Variants in SDK1 observed in about 807,000 individuals in gnomAD.
SDK1 encodes sidekick cell adhesion molecule 1, also known as protein sidekick-1.
In SDK1, 157 loss-of-function variants were observed where a neutral mutation model predicts 245.5. That is an observed-to-expected ratio of 0.64 (90% confidence interval 0.56 to 0.73). SDK1 has a LOEUF of 0.73. Ranked by LOEUF, SDK1 falls within the 30% of genes least tolerant of loss-of-function variation. The pLI, the probability that SDK1 is intolerant of heterozygous loss-of-function variation, is 0.00. For missense variants in SDK1, 3,583 were observed against 3,002.3 expected, an observed-to-expected ratio of 1.19 and a Z score of -4.52; for synonymous variants, 1,647 against 1,278.5, an observed-to-expected ratio of 1.29 and a Z score of -6.15.
At chr7:3,734,794 C>G (rs887524110) in intron 4 of SDK1, among the ~76,000 whole-genome samples, 1 of 152,198 alleles carries the variant, frequency 6.6e-6, no homozygotes, top group African/African-American at 2.4e-5. Flanking sequence ...CAGCCTCTGT[C>G]TTATAAACAG....
chr7:3,309,146 C>T (rs1192433329), intron 1 of SDK1, among the ~76,000 whole-genome samples: 1 of 151,978 alleles, frequency 6.6e-6, no homozygotes, highest in African/African-American at 2.4e-5. Context: ...TGGTGTGATC[C>T]TTAATTTATT....
chr7:3,566,122 C>T (rs1054445184), intron 1 of SDK1, among the ~76,000 whole-genome samples: 1 of 151,528 alleles, frequency 6.6e-6, no homozygotes, highest in South Asian at 2.1e-4. Flanking sequence ...AGTTTTTATT[C>T]TCTTGGAGGT....
intron 5 of SDK1, among the ~76,000 whole-genome samples, chr7:3,946,325 A>G (rs1442088264): frequency 6.6e-6 from 1 of 152,060 alleles, no homozygotes; most frequent in East Asian, 1.9e-4. Context: ...CCACAGGCAC[A>G]GACCACTAAA....
At chr7:3,616,690 A>G (rs533293639) in intron 1 of SDK1, among the ~76,000 whole-genome samples, 3 of 152,226 alleles carry the variant, frequency 2.0e-5, no homozygotes, top group Non-Finnish European at 4.4e-5. Flanking sequence ...TAATATACCA[A>G]TTATGATGGA....
At chr7:4,188,419 C>T (rs1783010019) in intron 35 of SDK1, among the ~76,000 whole-genome samples, 1 of 152,160 alleles carries the variant, frequency 6.6e-6, no homozygotes, top group African/African-American at 2.4e-5. Context: ...AGGGGATTCT[C>T]AAGCCTGGTC....
At chr7:3,309,947 G>T (rs952084804) in intron 1 of SDK1, among the ~76,000 whole-genome samples, 1 of 152,020 alleles carries the variant, frequency 6.6e-6, no homozygotes, top group Non-Finnish European at 1.5e-5. Flanking sequence ...AACTACTTAA[G>T]AAAAAAAGGA....
chr7:4,146,738 G>A (rs903396341), intron 29 of SDK1, among the ~76,000 whole-genome samples: 1 of 152,208 alleles, frequency 6.6e-6, no homozygotes, highest in East Asian at 1.9e-4. Context: ...AGAACTGCCG[G>A]GCGAGCAGGG....
chr7:3,347,623 G>T (rs964399761), intron 1 of SDK1, among the ~76,000 whole-genome samples: 1 of 152,132 alleles, frequency 6.6e-6, no homozygotes, highest in Non-Finnish European at 1.5e-5. Context: ...ATATTTCCCT[G>T]TGGCATGGTT....
chr7:3,366,744 A>G (rs1012110781), intron 1 of SDK1, among the ~76,000 whole-genome samples: 11 of 151,490 alleles, frequency 7.3e-5, no homozygotes, highest in African/African-American at 2.7e-4. Context: ...TTTTTATTTT[A>G]TTTATTTATT....
Position 3,803,824 on chromosome 7 carries a change from G to T in SDK1, c.714-17626G>T, listed in dbSNP as rs546866616. Among the ~76,000 whole-genome samples, 54 of 149,876 alleles carry T rather than the reference G, an allele frequency of 3.6e-4. 1 individual carries two copies. Among genetic ancestry groups the T allele is most frequent in the African/African-American group, 1.3e-3 (54 of 40,736 alleles). ...GTGCAGTGGTGGCTGGAATGCAGTG[G>T]CATGATCTCAGCTCACTGCAAGCTC... is the stretch of plus-strand genomic sequence containing the variant. On this transcript the variant is annotated intron_variant, in intron 4 of 44. Transcript: ENST00000404826.
In SDK1 at chr7:4,067,248, G is replaced by A. The variant is rs571758620; in HGVS notation, c.2912-590G>A. On this transcript the variant is annotated intron_variant, in intron 19 of 44. Transcript: ENST00000404826. ...CGTAACTCTGCGGCTCTGCCTGCCCGTGTTAGCAAGGGGGCCGCAGGGCAC... is the reference window on the plus strand; with the variant it reads ...CGTAACTCTGCGGCTCTGCCTGCCCATGTTAGCAAGGGGGCCGCAGGGCAC... 1.4e-4 allele frequency among the ~76,000 whole-genome samples: 21 copies of A among 152,320 alleles called. 1 individual carries two copies. The highest frequency in any genetic ancestry group is 1.2e-3 in the East Asian group (6 of 5,182).
At chr7:4,028,859 G>A (rs1787567966) in intron 17 of SDK1, among the ~76,000 whole-genome samples, 1 of 152,194 alleles carries the variant, frequency 6.6e-6, no homozygotes, top group African/African-American at 2.4e-5. Context: ...AAACCCATTG[G>A]AAGATGAGGA....
chr7:3,305,941 G>C (rs1779407755), intron 1 of SDK1, among the ~76,000 whole-genome samples: 1 of 152,192 alleles, frequency 6.6e-6, no homozygotes, highest in Non-Finnish European at 1.5e-5. Context: ...GAGGCATTCA[G>C]ATGTTAACTA....
chr7:3,523,354 C>T (rs1302816478), intron 1 of SDK1, among the ~76,000 whole-genome samples: 1 of 152,126 alleles, frequency 6.6e-6, no homozygotes, highest in Admixed American at 6.6e-5. Flanking sequence ...GGCTTCTAAC[C>T]TAGTGGAGGT....
rs183339776 is a variant in SDK1 at position 3,699,704 on chromosome 7, A to T, written c.713+57599A>T. ...TATCCAAGAAGAAGAGAAAGAGGGT[A>T]GAGTTGAAGAATTATTCAAAGAAAT... On this transcript the variant is annotated intron_variant, in intron 4 of 44. Coordinates refer to ENST00000404826, the MANE Select transcript of SDK1 (RefSeq NM_152744.4). Among the ~76,000 whole-genome samples, 362 of 152,338 alleles carry T rather than the reference A, an allele frequency of 2.4e-3. 2 individuals carry two copies. The highest frequency in any genetic ancestry group is 8.4e-3 in the African/African-American group (351 of 41,570).
intron 19 of SDK1, among the ~76,000 whole-genome samples, chr7:4,063,703 A>T (rs921124115): frequency 6.6e-6 from 1 of 152,116 alleles, no homozygotes; most frequent in Non-Finnish European, 1.5e-5. Flanking sequence ...GAATCACACT[A>T]CCTATCTTTG....
chr7:3,707,456 G>C (rs1438810015), intron 4 of SDK1, among the ~76,000 whole-genome samples: 1 of 152,306 alleles, frequency 6.6e-6, no homozygotes, highest in East Asian at 1.9e-4. Context: ...ATCGAGACTT[G>C]TTTTGTAATC....
chr7:3,586,965 G>C (rs756611466), intron 1 of SDK1, among the ~76,000 whole-genome samples: 1 of 152,166 alleles, frequency 6.6e-6, no homozygotes, highest in Non-Finnish European at 1.5e-5. Flanking sequence ...GAGTGAGCAG[G>C]CATTGTGGTG....
chr7:3,627,033 T>C (rs1782143901), intron 2 of SDK1, among the ~76,000 whole-genome samples: 1 of 152,022 alleles, frequency 6.6e-6, no homozygotes, highest in Non-Finnish European at 1.5e-5. Flanking sequence ...GCTCAGTTCA[T>C]ACTCCCACCT....
Sources: allele counts gnomAD v4.1 joint callset (sites outside exome capture counted in the v4.1 genomes callset), GRCh38; gene constraint gnomAD v4.1.1; transcripts MANE v1.5; gene names NCBI Gene and HGNC (gene_info 2026-07-23, HGNC 2026-07-21).